Variants in PRIM2 observed in about 807,000 individuals in gnomAD.
PRIM2 encodes the protein DNA primase large subunit.
PRIM2 carries 39 observed loss-of-function variants against 67.3 expected under a neutral mutation model. The ratio of observed to expected loss-of-function variants is 0.58; its 90% CI spans 0.45 to 0.76. PRIM2 has a LOEUF of 0.76. PRIM2 is among the 30% of genes least tolerant of loss of function. The probability of loss-of-function intolerance (pLI) is 0.00; values close to 1 mark genes in which losing one functional copy is unlikely to be tolerated. For synonymous variants in PRIM2, 143 were observed against 198.7 expected (o/e 0.72, Z 2.36); for missense variants, 398 against 598.7 (o/e 0.66, Z 3.50).
At chr6:57,306,766 G>A in the PRIM2 span, among the ~76,000 whole-genome samples, 3 of 152,154 alleles carry the variant, frequency 2.0e-5, no homozygotes, top group East Asian at 5.8e-4. Context: ...TCTCCCCAGA[G>A]TTAACCACTA....
At chr6:57,587,010 T>A (rs1776200905) in intron 10 of PRIM2, 1 of 152,180 alleles carries the variant, frequency 6.6e-6, no homozygotes, top group Admixed American at 6.5e-5. Context: ...AGGAAAATGA[T>A]GAATAGTAGA....
intron 13 of PRIM2, among the ~76,000 whole-genome samples, chr6:57,636,257 C>T (rs1353607958): frequency 1.3e-5 from 2 of 152,252 alleles, no homozygotes; most frequent in African/African-American, 2.4e-5. Context: ...CTTAATATTT[C>T]CAAACAGAGT....
At chr6:57,333,295 T>A (rs1009951949) in intron 5 of PRIM2, among the ~76,000 whole-genome samples, 4 of 152,174 alleles carry the variant, frequency 2.6e-5, no homozygotes, top group African/African-American at 9.7e-5. Context: ...TGCCTTGGTA[T>A]ACAGGCAAAT....
intron 5 of PRIM2, among the ~76,000 whole-genome samples, chr6:57,362,479 T>G (rs113465234): frequency 0.039 from 5,925 of 152,196 alleles, 164 homozygotes; most frequent in Middle Eastern, 0.054. Context: ...TATTTTTTTT[T>G]GTACTATGCT....
chr6:57,458,524 A>C (rs1422428597), intron 7 of PRIM2, among the ~76,000 whole-genome samples: 1 of 152,262 alleles, frequency 6.6e-6, no homozygotes. Context: ...TCTCTACTAA[A>C]AATACAAAAA....
At chr6:57,611,433 A>C (rs1472216709) in intron 12 of PRIM2, among the ~76,000 whole-genome samples, 1 of 152,166 alleles carries the variant, frequency 6.6e-6, no homozygotes, top group African/African-American at 2.4e-5. Context: ...AAGACAGATT[A>C]ATTGGACAGA....
rs1204913211 is a variant in PRIM2, at chr6:57,492,088, G to A, written c.694-15299G>A. On this transcript the variant is annotated intron_variant, in intron 7 of 13. Coordinates refer to ENST00000615550, the MANE Select transcript of PRIM2 (RefSeq NM_000947.5). ...CATCTGGTGTAAACACTTGTGGGGCGTGTCAGAGGTTGTCCGGGGACCCTT... is the reference window on the plus strand; with the variant it reads ...CATCTGGTGTAAACACTTGTGGGGCATGTCAGAGGTTGTCCGGGGACCCTT... Among the ~76,000 whole-genome samples, 52 of 152,266 alleles carry A rather than the reference G, an allele frequency of 3.4e-4. No individual in the cohort carries two copies. In the East Asian group the frequency reaches 5.2e-3, roughly 15 times the overall value.
intron 7 of PRIM2, among the ~76,000 whole-genome samples, chr6:57,397,600 A>T (rs1380911897): frequency 6.6e-6 from 1 of 151,416 alleles, no homozygotes; most frequent in South Asian, 2.1e-4. Flanking sequence ...ATTTCCTTGC[A>T]TTGGGCTTCC....
At chr6:57,614,868 ATG>A (rs1213223575) in intron 12 of PRIM2, among the ~76,000 whole-genome samples, 3 of 149,656 alleles carry the variant, frequency 2.0e-5, no homozygotes, top group Admixed American at 6.7e-5. Flanking sequence ...ATATATATGT[ATG>A]TGTGTGTGTG....
At position 57,429,535 on chromosome 6, in the gene PRIM2, GT is replaced by G. The variant is rs141764933; in HGVS notation, c.693+47368del. 1.3e-3 allele frequency among the ~76,000 whole-genome samples: 191 copies of G among 151,954 alleles called. 5 individuals are homozygous for G. In the East Asian group the frequency reaches 0.016, roughly 13 times the overall value. On this transcript the variant is annotated intron_variant, in intron 7 of 13. Coordinates refer to ENST00000615550, the MANE Select transcript of PRIM2 (RefSeq NM_000947.5). ...TAAAAGAGTCTTTATCAGTCTTAAG[GT>G]GCTGAATTGTGGCCCCCCAACATTT...
At chr6:57,406,202 T>TC (rs1482259850) in intron 7 of PRIM2, among the ~76,000 whole-genome samples, 1 of 152,122 alleles carries the variant, frequency 6.6e-6, no homozygotes, top group African/African-American at 2.4e-5. Flanking sequence ...GCTTTTTTTT[T>TC]CCTTCTTAAA....
chr6:57,636,585 T>C (rs1359835697), intron 13 of PRIM2, among the ~76,000 whole-genome samples: 25 of 152,190 alleles, frequency 1.6e-4, no homozygotes, highest in African/African-American at 5.8e-4. Context: ...ATCAAGCAAC[T>C]TAGTAGATCA....
chr6:57,251,651 T>C, the PRIM2 span, among the ~76,000 whole-genome samples: 1 of 152,218 alleles, frequency 6.6e-6, no homozygotes, highest in Non-Finnish European at 1.5e-5. Context: ...GGGCCATTTA[T>C]ACAGAAGGGG....
At chr6:57,596,044 C>T (rs1277190499) in intron 10 of PRIM2, among the ~76,000 whole-genome samples, 4 of 152,054 alleles carry the variant, frequency 2.6e-5, no homozygotes, top group Admixed American at 1.3e-4. Flanking sequence ...CAGGGAGTTC[C>T]AAGGGATTAG....
chr6:57,570,970 G>A (rs1487685800), intron 10 of PRIM2, among the ~76,000 whole-genome samples: 1 of 152,054 alleles, frequency 6.6e-6, no homozygotes, highest in Non-Finnish European at 1.5e-5. Context: ...ATGCACAGGG[G>A]CAATTTACAC....
At chr6:57,573,307 T>C (rs1775896289) in intron 10 of PRIM2, among the ~76,000 whole-genome samples, 5 of 152,344 alleles carry the variant, frequency 3.3e-5, no homozygotes, top group South Asian at 4.1e-4. Context: ...AGGCAGCTTT[T>C]GAGTTTTAAA....
At chr6:57,599,921 G>T (rs1776429845) in intron 10 of PRIM2, among the ~76,000 whole-genome samples, 2 of 152,196 alleles carry the variant, frequency 1.3e-5, no homozygotes, top group Non-Finnish European at 2.9e-5. Context: ...CTGAGTAGCT[G>T]AGATGACAGG....
At chr6:57,639,838 T>G (rs1475634239) in intron 13 of PRIM2, among the ~76,000 whole-genome samples, 1 of 151,362 alleles carries the variant, frequency 6.6e-6, no homozygotes, top group African/African-American at 2.4e-5. Flanking sequence ...TTTCTGAAAC[T>G]ATTCTAAACA....
intron 7 of PRIM2, among the ~76,000 whole-genome samples, chr6:57,403,898 A>C (rs1281047833): frequency 6.6e-6 from 1 of 150,478 alleles, no homozygotes; most frequent in African/African-American, 2.5e-5. Flanking sequence ...CATCAACAAC[A>C]GACTTTTGTC....
Sources: gnomAD v4.1 joint callset for allele counts (sites outside exome capture counted in the v4.1 genomes callset) on GRCh38, gnomAD v4.1.1 for gene constraint, MANE v1.5 for transcripts, NCBI Gene and HGNC (gene_info 2026-07-23, HGNC 2026-07-21) for gene names.